SYT2: variants seen among roughly 807,000 people sequenced by gnomAD.
The protein encoded by SYT2 is synaptotagmin 2.
SYT2 carries 15 observed loss-of-function variants against 39.9 expected under a neutral mutation model. The observed-to-expected ratio is 0.38, with a 90% CI of 0.25 to 0.58. The LOEUF (loss-of-function observed/expected upper bound fraction) is 0.58, where lower values mean the gene tolerates loss of function less well. Among genes scored for constraint, SYT2 ranks in the 20% least tolerant of loss-of-function variants. The pLI, the probability that SYT2 is intolerant of heterozygous loss-of-function variation, is 0.70. For synonymous variants in SYT2, 181 were observed against 204.5 expected (o/e 0.89, Z 0.98); for missense variants, 389 against 530.3 (o/e 0.73, Z 2.62).
At chr1:202,615,873 T>C (rs1691017940) in intron 1 of SYT2, among the ~76,000 whole-genome samples, 1 of 152,176 alleles carries the variant, frequency 6.6e-6, no homozygotes, top group African/African-American at 2.4e-5. Context: ...CCGTGGTGCC[T>C]ACAACTTGTT....
At chr1:202,664,382 T>C (rs1295069964) in intron 1 of SYT2, among the ~76,000 whole-genome samples, 1 of 152,180 alleles carries the variant, frequency 6.6e-6, no homozygotes, top group Non-Finnish European at 1.5e-5. Flanking sequence ...ATCAACTTCA[T>C]TGAATTATAA....
intron 1 of SYT2, among the ~76,000 whole-genome samples, chr1:202,684,201 A>C (rs1184048023): frequency 1.3e-5 from 2 of 152,172 alleles, no homozygotes; most frequent in African/African-American, 2.4e-5. Context: ...TGTTCAGCAC[A>C]TGATTCGGTA....
intron 1 of SYT2, chr1:202,636,539 G>A (rs1238098943): frequency 2.6e-5 from 8 of 307,038 alleles, no homozygotes; most frequent in Non-Finnish European, 3.8e-5. Flanking sequence ...CCAAGAGATA[G>A]GGAAAAACCG....
At chr1:202,676,062 G>A (rs1483333701) in intron 1 of SYT2, among the ~76,000 whole-genome samples, 1 of 152,156 alleles carries the variant, frequency 6.6e-6, no homozygotes, top group East Asian at 1.9e-4. Flanking sequence ...TCACTTCAAA[G>A]GCCAGTCTCA....
chr1:202,705,339 G>A (rs571787655), intron 1 of SYT2, among the ~76,000 whole-genome samples: 2 of 152,260 alleles, frequency 1.3e-5, no homozygotes, highest in Non-Finnish European at 2.9e-5. Context: ...CTCTATCCCC[G>A]AGCAGGGGAG....
At chr1:202,684,171 T>A (rs1301551801) in intron 1 of SYT2, among the ~76,000 whole-genome samples, 6 of 152,170 alleles carry the variant, frequency 3.9e-5, no homozygotes, top group Non-Finnish European at 5.9e-5. Context: ...CCTTCCATAG[T>A]TATCTTTGCT....
At chr1:202,609,206 C>G (rs1690808052) in intron 1 of SYT2, among the ~76,000 whole-genome samples, 1 of 151,864 alleles carries the variant, frequency 6.6e-6, no homozygotes, top group Non-Finnish European at 1.5e-5. Flanking sequence ...AGGACATGAA[C>G]TCATCATTTT....
intron 1 of SYT2, among the ~76,000 whole-genome samples, chr1:202,647,283 G>A (rs1692104233): frequency 6.6e-6 from 1 of 152,228 alleles, no homozygotes; most frequent in Non-Finnish European, 1.5e-5. Context: ...TGCAGGATCA[G>A]GCTCCTGTTG....
At chr1:202,685,091 T>C (rs990986380) in intron 1 of SYT2, among the ~76,000 whole-genome samples, 3 of 152,032 alleles carry the variant, frequency 2.0e-5, no homozygotes, top group African/African-American at 7.2e-5. Flanking sequence ...TGAGGGGAAG[T>C]CTGAGAGTTC....
chr1:202,669,889 G>A (rs1692557099), intron 1 of SYT2, among the ~76,000 whole-genome samples: 3 of 152,084 alleles, frequency 2.0e-5, no homozygotes, highest in Non-Finnish European at 4.4e-5. Flanking sequence ...TCAGATCTGG[G>A]CATAACCGAG....
intron 1 of SYT2, among the ~76,000 whole-genome samples, chr1:202,653,567 C>T (rs1005623790): frequency 6.6e-5 from 10 of 151,944 alleles, no homozygotes; most frequent in African/African-American, 2.4e-4. Flanking sequence ...AGACCAGAAC[C>T]TGTATGCCCA....
chr1:202,592,605 T>C lies in SYT2; in HGVS notation c.*4152A>G, dbSNP rs1262747219. 1 of 152,218 alleles carries C rather than the reference T, an allele frequency of 6.6e-6. No individual in the cohort carries two copies. Among genetic ancestry groups the C allele is most frequent in the Admixed American group, 6.5e-5 (1 of 15,286 alleles). The allele number at this position is 152,218 out of a possible 1,614,324, so 9.4% of individuals were successfully genotyped here. A position where few individuals can be genotyped will look rare whatever the true frequency, so the allele number is the denominator to read the frequency against. On this transcript the variant is annotated 3_prime_UTR_variant, in exon 9 of 9. Coordinates refer to ENST00000367268, the MANE Select transcript of SYT2 (RefSeq NM_177402.5). ...GGTAATTATCTTCTTTTATATATAA[T>C]TAAATATACACGGATGGGGGCAGAT...
intron 1 of SYT2, among the ~76,000 whole-genome samples, chr1:202,629,103 C>A (rs1224739318): frequency 1.3e-5 from 2 of 152,236 alleles, no homozygotes; most frequent in Admixed American, 1.3e-4. Flanking sequence ...GTGGGGCAGC[C>A]TCTCTGCTAA....
At chr1:202,673,404 C>A (rs532665954) in intron 1 of SYT2, among the ~76,000 whole-genome samples, 72 of 152,324 alleles carry the variant, frequency 4.7e-4, no homozygotes, top group African/African-American at 1.7e-3. Context: ...CAGTAATTCA[C>A]ATCTAAATCA....
At chr1:202,703,638 C>A (rs1045824652) in intron 1 of SYT2, among the ~76,000 whole-genome samples, 2 of 152,120 alleles carry the variant, frequency 1.3e-5, no homozygotes, top group African/African-American at 2.4e-5. Flanking sequence ...GCAGAAGGTC[C>A]GGAGGGAGCC....
In SYT2 at chr1:202,596,755, G is replaced by A. The variant is rs1690311525; in HGVS notation, c.*2C>T. 6.2e-7 allele frequency: 1 copy of A among 1,612,916 alleles called. No homozygotes were observed. The highest frequency in any genetic ancestry group is 8.5e-7 in the Non-Finnish European group (1 of 1,179,082). On this transcript the variant is annotated 3_prime_UTR_variant, in exon 9 of 9. Coordinates refer to ENST00000367268, the MANE Select transcript of SYT2 (RefSeq NM_177402.5). ...AAGGTGTGGGGTCCCAGCCGCTGCT[G>A]TCTACTTGTTCTTGCCCAGGAGTGC...
chr1:202,669,575 G>A (rs1402847525), intron 1 of SYT2, among the ~76,000 whole-genome samples: 2 of 151,636 alleles, frequency 1.3e-5, no homozygotes, highest in Admixed American at 6.6e-5. Flanking sequence ...CCCGGGTGAC[G>A]GTGCAAGACT....
intron 1 of SYT2, among the ~76,000 whole-genome samples, chr1:202,668,740 G>A (rs557558791): frequency 6.6e-6 from 1 of 152,326 alleles, no homozygotes; most frequent in African/African-American, 2.4e-5. Context: ...TGGCCACCAA[G>A]GGACAGAGCT....
rs928765836 is a variant in SYT2 at position 202,643,693 on chromosome 1, CAGG to C, written c.-17-37907_-17-37905del. Among the ~76,000 whole-genome samples the C allele has an allele frequency of 5.1e-4, 77 of 151,936 alleles. 1 individual carries two copies. The highest frequency in any genetic ancestry group is 2.0e-4 in the Admixed American group (3 of 15,280). ...TGCCAGCGGAGGGGAAAATGGGCGA[CAGG>C]AGAAGGGGAGGTGTGTGCGGGAGGG... is the stretch of plus-strand genomic sequence containing the variant. On this transcript the variant is annotated intron_variant, in intron 1 of 8. Coordinates refer to ENST00000367268, the MANE Select transcript of SYT2 (RefSeq NM_177402.5).
Sources: allele counts gnomAD v4.1 joint callset (sites outside exome capture counted in the v4.1 genomes callset), GRCh38; gene constraint gnomAD v4.1.1; transcripts MANE v1.5; gene names NCBI Gene and HGNC (gene_info 2026-07-23, HGNC 2026-07-21).